Variants in ZNF214 observed in about 807,000 individuals in gnomAD.
ZNF214 encodes BWSCR2-associated zinc finger protein 1.
In ZNF214, 43 loss-of-function variants were observed where a neutral mutation model predicts 53.9. The ratio of observed to expected loss-of-function variants is 0.80; its 90% CI spans 0.63 to 1.03. The LOEUF (loss-of-function observed/expected upper bound fraction) is 1.03, where lower values mean the gene tolerates loss of function less well. ZNF214 is among the 50% of genes least tolerant of loss of function. The probability of loss-of-function intolerance (pLI) is 0.00; values close to 1 mark genes in which losing one functional copy is unlikely to be tolerated. For synonymous variants in ZNF214, 217 were observed against 229.5 expected, an observed-to-expected ratio of 0.95 and a Z score of 0.49; for missense variants, 724 against 719.1, an observed-to-expected ratio of 1.01 and a Z score of -0.08.
At chr11:7,011,179 T>C (rs1388767275) in intron 1 of ZNF214, among the ~76,000 whole-genome samples, 2 of 152,012 alleles carry the variant, frequency 1.3e-5, no homozygotes, top group Non-Finnish European at 2.9e-5. Context: ...TTTATGTAGC[T>C]AGTATAATCT....
intron 1 of ZNF214, among the ~76,000 whole-genome samples, chr11:7,007,878 G>T (rs962733560): frequency 1.1e-4 from 16 of 151,630 alleles, no homozygotes; most frequent in Non-Finnish European, 1.8e-4. Context: ...AAGAAATCAT[G>T]ATAAATTCCA....
At chr11:7,019,785 T>A (rs1851868899) in intron 1 of ZNF214, 1 of 152,262 alleles carries the variant, frequency 6.6e-6, no homozygotes, top group African/African-American at 2.4e-5. Flanking sequence ...CCTCTTTCTC[T>A]AGGGAAAAAA....
rs1217523049 is a variant in ZNF214, at chr11:7,001,544, C to T, written c.139G>A (p.Glu47Lys). The T allele has an allele frequency of 6.3e-7, 1 of 1,594,252 alleles. No homozygotes were observed. Among genetic ancestry groups the T allele is most frequent in the East Asian group, 2.2e-5 (1 of 44,616 alleles). Residue 47 changes from glutamate to lysine, a missense_variant, in exon 3 of 3, where the codon GAG (glutamate) becomes AAG (lysine). Glu to Lys is a moderately conservative substitution (Grantham distance 56). Transcript: ENST00000278314. ...TNVMSVENWN[E>K]SYKSQEEKFR... ...TTTTCTTCTTGGGATTTGTAGCTCT[C>T]ATTCCAGTTTTCTAGAAAAATAAAA...
chr11:7,010,092 G>A (rs1170206459), intron 1 of ZNF214, among the ~76,000 whole-genome samples: 1 of 151,932 alleles, frequency 6.6e-6, no homozygotes, highest in Non-Finnish European at 1.5e-5. Context: ...AATATAAACT[G>A]TTCTACCATA....
chr11:7,008,545 C>G (rs1285447412), intron 1 of ZNF214, among the ~76,000 whole-genome samples: 1 of 151,986 alleles, frequency 6.6e-6, no homozygotes, highest in Non-Finnish European at 1.5e-5. Flanking sequence ...AATGCCCACT[C>G]TCACCACTCC....
At chr11:7,011,723 C>G (rs1032412395) in intron 1 of ZNF214, among the ~76,000 whole-genome samples, 1 of 151,888 alleles carries the variant, frequency 6.6e-6, no homozygotes. Flanking sequence ...TATAAAATGT[C>G]ATTATTTGCA....
Position 7,000,290 on chromosome 11 carries a change from T to G in ZNF214, c.1393A>C (p.Thr465Pro), listed in dbSNP as rs767374844. ...SDLRIHQRVH[T>P]GEKPYTCPEC... is the part of the protein sequence containing the mutation. ...GGACAAGTATAGGGTTTCTCCCCTG[T>G]ATGGACTCTCTGATGAATGCGAAGA... is the stretch of plus-strand genomic sequence containing the variant. The change falls in exon 3 of 3, where the codon ACA becomes CCA. Residue 465 changes from threonine (T) to proline (P), a missense_variant. Physicochemically the swap from Thr to Pro is conservative, Grantham distance 38. Transcript: ENST00000278314. The G allele has an allele frequency of 1.2e-6, 2 of 1,613,308 alleles. No homozygotes were observed. The highest frequency in any genetic ancestry group is 2.2e-5 in the South Asian group (2 of 91,052).
chr11:7,003,125 T>C (rs2133386770), intron 1 of ZNF214, among the ~76,000 whole-genome samples: 1 of 152,148 alleles, frequency 6.6e-6, no homozygotes, highest in Middle Eastern at 3.4e-3. Flanking sequence ...TCCCATGTTG[T>C]AGGTAGCTTT....
rs369380978 is a variant in ZNF214, at chr11:7,000,513, C to T, written c.1170G>A (p.Glu390=). Residue 390 remains glutamate, a synonymous_variant, in exon 3 of 3, where the codon GAG becomes GAA. Coordinates refer to ENST00000278314, the MANE Select transcript of ZNF214 (RefSeq NM_013249.4). Reference sequence around the variant, plus strand: ...AGCTCTGGCTGAAACCCTTACCACACTCATCACACTTATATGGTTTTTCTC... The same window carrying T: ...AGCTCTGGCTGAAACCCTTACCACATTCATCACACTTATATGGTTTTTCTC... The part of the protein sequence containing the change: ...HTGEKPYKCD[E]CGKGFSQSSN... 27 of 1,612,388 alleles carry T rather than the reference C, an allele frequency of 1.7e-5. 1 individual carries two copies. In the African/African-American group the frequency reaches 2.5e-4, roughly 15 times the overall value.
chr11:7,014,874 A>T, intron 1 of ZNF214, among the ~76,000 whole-genome samples: 1 of 151,522 alleles, frequency 6.6e-6, no homozygotes, highest in East Asian at 1.9e-4. Context: ...AGATCACGCT[A>T]CTGGACTCCA....
chr11:7,010,679 AGTG>A, intron 1 of ZNF214, among the ~76,000 whole-genome samples: 1 of 151,690 alleles, frequency 6.6e-6, no homozygotes, highest in East Asian at 1.9e-4. Context: ...AGAAGAATAA[AGTG>A]GAAGTCAAAG....
In ZNF214 at chr11:7,000,489, G is replaced by C; in HGVS notation, c.1194C>G (p.Ser398Arg). The C allele has an allele frequency of 6.2e-7, 1 of 1,613,004 alleles. No homozygotes were observed. Among genetic ancestry groups the C allele is most frequent in the Non-Finnish European group, 8.5e-7 (1 of 1,179,448 alleles). The change falls in exon 3 of 3, where the codon AGC becomes AGG. Residue 398 changes from serine to arginine, a missense_variant. Physicochemically the swap from Ser to Arg is moderately radical, Grantham distance 110. Coordinates refer to ENST00000278314, the MANE Select transcript of ZNF214 (RefSeq NM_013249.4). Reference sequence around the variant, plus strand: ...CTAACTGATGAATTCGAAGATTTGAGCTCTGGCTGAAACCCTTACCACACT... The same window carrying C: ...CTAACTGATGAATTCGAAGATTTGACCTCTGGCTGAAACCCTTACCACACT... ...CDECGKGFSQ[S>R]SNLRIHQLVH...
intron 1 of ZNF214, among the ~76,000 whole-genome samples, chr11:7,006,629 T>C (rs1032789933): frequency 4.6e-5 from 7 of 152,004 alleles, no homozygotes; most frequent in Non-Finnish European, 8.8e-5. Flanking sequence ...AAGATTTCTG[T>C]TTTTCATTCA....
intron 1 of ZNF214, chr11:7,015,939 G>A (rs1451914658): frequency 6.6e-6 from 1 of 151,924 alleles, no homozygotes; most frequent in Non-Finnish European, 1.5e-5. Context: ...GTACAACAGT[G>A]CATTTTACAC....
rs1188766605 is a variant in ZNF214 at position 6,997,585 on chromosome 11, TA to T, written c.*2276del. On this transcript the variant is annotated 3_prime_UTR_variant, in exon 3 of 3. Transcript: ENST00000278314. ...TTATTAAGTTGTAATTTTAGGTTTG[TA>T]AAAAAAAAAAAAAAAGGCCTTTCTT... is the stretch of plus-strand genomic sequence containing the variant. 0.013 allele frequency among the ~76,000 whole-genome samples: 1,621 copies of T among 122,688 alleles called. 7 individuals carry two copies. The highest frequency in any genetic ancestry group is 0.015 in the Non-Finnish European group (843 of 55,970). The allele number at this position is 122,688 out of a possible 152,430, so 80.5% of individuals were successfully genotyped here.
chr11:7,016,924 T>A (rs1851784199), intron 1 of ZNF214, among the ~76,000 whole-genome samples: 1 of 152,078 alleles, frequency 6.6e-6, no homozygotes, highest in South Asian at 2.1e-4. Context: ...GTAAAAGAAA[T>A]GAGATTTCAT....
chr11:7,008,060 T>C (rs945683914), intron 1 of ZNF214, among the ~76,000 whole-genome samples: 7 of 151,908 alleles, frequency 4.6e-5, no homozygotes, highest in African/African-American at 7.3e-5. Flanking sequence ...TGTTTTTTCT[T>C]CAAAATCTAA....
intron 1 of ZNF214, among the ~76,000 whole-genome samples, chr11:7,016,658 T>C (rs1338799925): frequency 6.6e-6 from 1 of 152,298 alleles, no homozygotes; most frequent in African/African-American, 2.4e-5. Flanking sequence ...TGTATACATA[T>C]GTGTATGTGT....
At chr11:7,002,662 C>G (rs771842351) in intron 2 of ZNF214, 47 bp downstream of exon 2, 1 of 1,504,444 alleles carries the variant, frequency 6.6e-7, no homozygotes, top group Non-Finnish European at 8.8e-7. Context: ...CTCAACAAAA[C>G]TGCTCCTAGA....
Sources: allele counts gnomAD v4.1 joint callset (sites outside exome capture counted in the v4.1 genomes callset), GRCh38; gene constraint gnomAD v4.1.1; transcripts MANE v1.5; gene names NCBI Gene and HGNC (gene_info 2026-07-23, HGNC 2026-07-21).